DNAJC12: variants seen among roughly 807,000 people sequenced by gnomAD.
DNAJC12 encodes the protein DnaJ heat shock protein family (Hsp40) member C12.
Under a neutral mutation model 28.5 loss-of-function variants are expected in DNAJC12, and 25 were observed. That is an observed-to-expected ratio of 0.88 (90% confidence interval 0.64 to 1.22). The LOEUF (loss-of-function observed/expected upper bound fraction) is 1.22. Among genes scored for constraint, DNAJC12 ranks in the 50% most tolerant of loss-of-function variants. DNAJC12 has a pLI of 0.00. For synonymous variants in DNAJC12, 77 were observed against 80.6 expected, an observed-to-expected ratio of 0.95 and a Z score of 0.24; for missense variants, 222 against 231.7, an observed-to-expected ratio of 0.96 and a Z score of 0.27.
chr10:67,796,854 A>T lies in DNAJC12; in HGVS notation c.*262T>A, dbSNP rs934669588. On this transcript the variant is annotated 3_prime_UTR_variant, in exon 5 of 5. Transcript: ENST00000225171. ...TTTTTAATGGATTTCTATAAGTAGT[A>T]TTAATAGGAAAAAGCATATAATACA... 3 of 278,564 alleles carry T rather than the reference A, an allele frequency of 1.1e-5. No individual in the cohort carries two copies. In the South Asian group the frequency reaches 2.6e-4, roughly 24 times the overall value. 17.3% of individuals were successfully genotyped at this position (278,564 alleles called of 1,614,324 possible). A position where few individuals can be genotyped will look rare whatever the true frequency, so the allele number is the denominator to read the frequency against.
intron 1 of DNAJC12, among the ~76,000 whole-genome samples, chr10:67,833,232 G>GT (rs1288500730): frequency 6.6e-6 from 1 of 152,168 alleles, no homozygotes; most frequent in Non-Finnish European, 1.5e-5. Context: ...GCTGCTGCCT[G>GT]TTTTTTAATT....
rs1177065092 is a variant in DNAJC12 at position 67,812,447 on chromosome 10, C to G, written c.158-784G>C. ...GTAGCTTGTCACTAATCTACTTGAC[C>G]AGATGGTATATAATAGAAACCTTTT... is the stretch of plus-strand genomic sequence containing the variant. On this transcript the variant is annotated intron_variant, in intron 2 of 4. Transcript: ENST00000225171. Among the ~76,000 whole-genome samples, 4 of 152,080 alleles carry G rather than the reference C, an allele frequency of 2.6e-5. No homozygotes were observed. The East Asian group carries it at 7.7e-4, about 29-fold the overall frequency.
At chr10:67,802,039 A>G (rs147783333) in intron 4 of DNAJC12, among the ~76,000 whole-genome samples, 84 of 151,228 alleles carry the variant, frequency 5.6e-4, no homozygotes, top group African/African-American at 1.9e-3. Context: ...TGGTTTTTTA[A>G]TTTTGTGGAG....
chr10:67,802,912 G>T (rs1338479652), intron 4 of DNAJC12, among the ~76,000 whole-genome samples: 1 of 151,326 alleles, frequency 6.6e-6, no homozygotes, highest in Non-Finnish European at 1.5e-5. Flanking sequence ...GTACAGTGGT[G>T]CAATCGCAGC....
At chr10:67,804,806 A>G (rs1841782277) in intron 4 of DNAJC12, among the ~76,000 whole-genome samples, 1 of 152,090 alleles carries the variant, frequency 6.6e-6, no homozygotes, top group African/African-American at 2.4e-5. Flanking sequence ...CCCAGGCAGG[A>G]GGATCACCTG....
chr10:67,813,921 C>CCAAACTGATCTGCAGATT (rs1345867739), intron 2 of DNAJC12, among the ~76,000 whole-genome samples: 3 of 151,766 alleles, frequency 2.0e-5, no homozygotes, highest in African/African-American at 7.3e-5. Context: ...ATAATACCCC[C>CCAAACTGATCTGCAGATT]CAAACTGATC....
At chr10:67,799,629 G>A (rs1356047827) in intron 4 of DNAJC12, among the ~76,000 whole-genome samples, 9 of 152,104 alleles carry the variant, frequency 5.9e-5, no homozygotes, top group Admixed American at 3.3e-4. Flanking sequence ...TCACGCCTGT[G>A]ATCCCAGCAC....
chr10:67,810,627 C>T (rs974248068), intron 3 of DNAJC12, among the ~76,000 whole-genome samples: 3 of 152,174 alleles, frequency 2.0e-5, no homozygotes, highest in Admixed American at 1.3e-4. Flanking sequence ...ATTTAACAAT[C>T]TAGCCAGGTG....
rs1362369963 is a variant in DNAJC12, at chr10:67,819,731, G to A, written c.157+3583C>T. Among the ~76,000 whole-genome samples the A allele has an allele frequency of 8.6e-3, 180 of 20,836 alleles. 4 individuals carry two copies. Among genetic ancestry groups the A allele is most frequent in the African/African-American group, 0.013 (69 of 5,116 alleles). 13.7% of individuals were successfully genotyped at this position (20,836 alleles called of 152,430 possible). ...GGAAGGAAGGAAGCAAGGAAGGAAG[G>A]AAGGAAGGAAGGAAGGAAGGAAGGA... On this transcript the variant is annotated intron_variant, in intron 2 of 4. Coordinates refer to ENST00000225171, the MANE Select transcript of DNAJC12 (RefSeq NM_021800.3).
chr10:67,808,921 A>C (rs1230760185), intron 3 of DNAJC12, among the ~76,000 whole-genome samples: 1 of 152,148 alleles, frequency 6.6e-6, no homozygotes, highest in Non-Finnish European at 1.5e-5. Flanking sequence ...ATGTGGGCAT[A>C]GTGTAGGAAG....
intron 2 of DNAJC12, among the ~76,000 whole-genome samples, chr10:67,817,739 G>T (rs1841930247): frequency 2.0e-5 from 3 of 150,510 alleles, no homozygotes; most frequent in African/African-American, 7.3e-5. Context: ...TCAGCTGGGC[G>T]TGGTGGCACA....
At position 67,796,824 on chromosome 10, in the gene DNAJC12, A is replaced by G. The variant is rs1841677703; in HGVS notation, c.*292T>C. The stretch of plus-strand genomic sequence containing the variant: ...AAATATTTAAATACACTGTACAGAG[A>G]TTGCTTTTTAATGGATTTCTATAAG... On this transcript the variant is annotated 3_prime_UTR_variant, in exon 5 of 5. Transcript: ENST00000225171. 1.3e-5 allele frequency: 3 copies of G among 224,638 alleles called. No individual in the cohort carries two copies. Among genetic ancestry groups the G allele is most frequent in the Non-Finnish European group, 2.6e-5 (3 of 114,680 alleles). The allele number at this position is 224,638 out of a possible 1,614,324, so 13.9% of individuals were successfully genotyped here.
intron 1 of DNAJC12, among the ~76,000 whole-genome samples, chr10:67,834,676 A>C (rs1435241389): frequency 6.6e-6 from 1 of 152,106 alleles, no homozygotes; most frequent in Non-Finnish European, 1.5e-5. Context: ...AAAATACAAA[A>C]ATTAGCTGGG....
chr10:67,814,399 T>TA (rs1026972877), intron 2 of DNAJC12, among the ~76,000 whole-genome samples: 5 of 150,598 alleles, frequency 3.3e-5, no homozygotes, highest in Non-Finnish European at 5.9e-5. Flanking sequence ...GTTAAAACCA[T>TA]AAAAAACTGG....
At chr10:67,805,922 C>T (rs994552045) in intron 3 of DNAJC12, 135 bp from the exon 4 acceptor site, 4 of 584,972 alleles carry the variant, frequency 6.8e-6, no homozygotes, top group African/African-American at 5.7e-5. Context: ...TGACTATTAA[C>T]AAGATACTCA....
chr10:67,827,220 C>G (rs1842045723), intron 1 of DNAJC12, among the ~76,000 whole-genome samples: 1 of 150,188 alleles, frequency 6.7e-6, no homozygotes, highest in Admixed American at 6.7e-5. Flanking sequence ...AACCCTGTCT[C>G]TACTAAAAAT....
chr10:67,815,461 T>C (rs1841905249), intron 2 of DNAJC12, among the ~76,000 whole-genome samples: 1 of 126,992 alleles, frequency 7.9e-6, no homozygotes, highest in African/African-American at 3.2e-5. Context: ...TGAGCCGTGA[T>C]CACACCATTG....
chr10:67,802,948 C>G (rs989299758), intron 4 of DNAJC12, among the ~76,000 whole-genome samples: 6 of 145,374 alleles, frequency 4.1e-5, no homozygotes, highest in African/African-American at 9.9e-5. Context: ...CATCCCCCCC[C>G]ACACACACAC....
chr10:67,801,355 G>A (rs992586162), intron 4 of DNAJC12, among the ~76,000 whole-genome samples: 5 of 152,162 alleles, frequency 3.3e-5, no homozygotes, highest in African/African-American at 1.2e-4. Context: ...AAATAATCAT[G>A]CAACAGCACT....
Sources: gnomAD v4.1 joint callset for allele counts (sites outside exome capture counted in the v4.1 genomes callset) on GRCh38, gnomAD v4.1.1 for gene constraint, MANE v1.5 for transcripts, NCBI Gene and HGNC (gene_info 2026-07-23, HGNC 2026-07-21) for gene names.